PCDH15: variants seen among roughly 807,000 people sequenced by gnomAD.
PCDH15 encodes protocadherin-15.
In PCDH15, 129 loss-of-function variants were observed where a neutral mutation model predicts 178.5. The observed-to-expected ratio is 0.72, with a 90% CI of 0.63 to 0.84. PCDH15 has a LOEUF of 0.84. Ranked by LOEUF, PCDH15 falls within the 40% of genes least tolerant of loss-of-function variation. The pLI, the probability that PCDH15 is intolerant of heterozygous loss-of-function variation, is 0.00. For missense variants in PCDH15, 2,230 were observed against 2,099.9 expected (o/e 1.06, Z -1.21); for synonymous variants, 800 against 732.0 (o/e 1.09, Z -1.50).
intron 2 of PCDH15, among the ~76,000 whole-genome samples, chr10:55,520,205 G>A (rs1371113159): frequency 2.2e-5 from 1 of 45,620 alleles, no homozygotes; most frequent in Non-Finnish European, 4.0e-5. Flanking sequence ...TACACGCAAT[G>A]TGTATATATA....
intron 2 of PCDH15, among the ~76,000 whole-genome samples, chr10:55,346,684 A>G (rs1049996273): frequency 6.6e-6 from 1 of 151,260 alleles, no homozygotes; most frequent in Non-Finnish European, 1.5e-5. Context: ...GGTTATTCCT[A>G]TCTTTGGACT....
In PCDH15 at chr10:54,287,254, T is replaced by C. The variant is rs145697514; in HGVS notation, c.876+30017A>G. On this transcript the variant is annotated intron_variant, in intron 8 of 37. Transcript: ENST00000644397. ...ATAGTTTAGAAAATTGTCACCAAAG[T>C]ATGCACTTTGTATCTGAAAACAATA... is the stretch of plus-strand genomic sequence containing the variant. 4.1e-3 allele frequency among the ~76,000 whole-genome samples: 629 copies of C among 152,306 alleles called. 8 individuals carry two copies. The highest frequency in any genetic ancestry group is 0.012 in the African/African-American group (516 of 41,564).
intron 1 of PCDH15, among the ~76,000 whole-genome samples, chr10:55,170,582 T>C (rs993054484): frequency 5.3e-5 from 8 of 152,116 alleles, no homozygotes; most frequent in Admixed American, 5.2e-4. Context: ...CAGGGCACAC[T>C]GGTAGAAAGC....
chr10:54,141,506 G>A (rs2043407057), intron 14 of PCDH15, among the ~76,000 whole-genome samples: 1 of 152,062 alleles, frequency 6.6e-6, no homozygotes, highest in African/African-American at 2.4e-5. Context: ...ATTTCAGTTG[G>A]TTCAGATCCT....
intron 1 of PCDH15, among the ~76,000 whole-genome samples, chr10:54,694,335 G>T (rs1033086169): frequency 6.6e-6 from 1 of 152,070 alleles, no homozygotes; most frequent in Non-Finnish European, 1.5e-5. Context: ...CTAAAATGTC[G>T]AGAGACAATG....
intron 1 of PCDH15, among the ~76,000 whole-genome samples, chr10:55,310,693 A>G (rs560839982): frequency 3.3e-5 from 5 of 152,306 alleles, no homozygotes; most frequent in Non-Finnish European, 5.9e-5. Context: ...ATGCAGCTGT[A>G]AAAAAGAATG....
intron 3 of PCDH15, among the ~76,000 whole-genome samples, chr10:54,450,401 T>C (rs1212741009): frequency 6.6e-6 from 1 of 151,502 alleles, no homozygotes; most frequent in Non-Finnish European, 1.5e-5. Flanking sequence ...TAATTATTTA[T>C]AGTTTCTTCC....
chr10:54,524,085 A>G (rs1187207947), intron 3 of PCDH15, among the ~76,000 whole-genome samples: 1 of 152,152 alleles, frequency 6.6e-6, no homozygotes, highest in Non-Finnish European at 1.5e-5. Context: ...AAATTTCCAC[A>G]AGCAACTCAC....
chr10:55,604,215 C>A (rs1357131211), intron 2 of PCDH15, among the ~76,000 whole-genome samples: 1 of 95,886 alleles, frequency 1.0e-5, no homozygotes, highest in Non-Finnish European at 2.1e-5. Context: ...TATATATGCA[C>A]CCAATACAGG....
intron 3 of PCDH15, among the ~76,000 whole-genome samples, chr10:54,876,776 G>A (rs928266413): frequency 8.5e-5 from 13 of 152,168 alleles, no homozygotes; most frequent in Non-Finnish European, 1.6e-4. Context: ...GTAGTTTCCT[G>A]AGATGGAAAA....
chr10:54,630,359 CTT>C (rs1450945995), intron 2 of PCDH15, among the ~76,000 whole-genome samples: 1 of 152,130 alleles, frequency 6.6e-6, no homozygotes, highest in African/African-American at 2.4e-5. Context: ...AATAAGGCTG[CTT>C]ACTTACAACC....
chr10:54,214,091 G>A (rs2051737826), intron 9 of PCDH15, 43 bp from the exon 10 acceptor site: 2 of 1,019,396 alleles, frequency 2.0e-6, no homozygotes, highest in South Asian at 1.3e-5. Flanking sequence ...AGAACAATAA[G>A]TAATATGTGT....
intron 2 of PCDH15, among the ~76,000 whole-genome samples, chr10:54,569,401 G>A (rs1382769890): frequency 6.6e-6 from 1 of 152,124 alleles, no homozygotes; most frequent in East Asian, 1.9e-4. Context: ...AAGTTTTGCA[G>A]CAGAGAAGTT....
At chr10:55,014,273 A>T (rs1324878841) in intron 2 of PCDH15, among the ~76,000 whole-genome samples, 3 of 152,132 alleles carry the variant, frequency 2.0e-5, no homozygotes, top group Admixed American at 6.5e-5. Flanking sequence ...AAAGAAAAAT[A>T]AACGTGTCTA....
chr10:54,401,264 T>C (rs1027009086), intron 3 of PCDH15, among the ~76,000 whole-genome samples: 2 of 151,876 alleles, frequency 1.3e-5, no homozygotes, highest in African/African-American at 2.4e-5. Flanking sequence ...TTACAGAATA[T>C]TGATGACTTC....
chr10:54,399,621 A>T (rs1014836311), intron 3 of PCDH15, among the ~76,000 whole-genome samples: 1 of 152,094 alleles, frequency 6.6e-6, no homozygotes, highest in African/African-American at 2.4e-5. Context: ...CCAACTAGAG[A>T]TGAGTCTCAA....
intron 21 of PCDH15, among the ~76,000 whole-genome samples, chr10:53,970,610 A>C (rs1160581749): frequency 6.6e-6 from 1 of 152,180 alleles, no homozygotes; most frequent in Non-Finnish European, 1.5e-5. Context: ...AGGGGATATT[A>C]CCACTGAGCC....
Position 54,923,151 on chromosome 10 carries a change from G to A in PCDH15, c.-79-25651C>T, listed in dbSNP as rs932277620. 1.4e-4 allele frequency among the ~76,000 whole-genome samples: 20 copies of A among 138,400 alleles called. 3 individuals carry two copies. The highest frequency in any genetic ancestry group is 4.5e-4 in the African/African-American group (18 of 40,104). 90.8% of individuals were successfully genotyped at this position (138,400 alleles called of 152,430 possible). A position where few individuals can be genotyped will look rare whatever the true frequency, so the allele number is the denominator to read the frequency against. On this transcript the variant is annotated intron_variant, in intron 2 of 5. Coordinates refer to the PCDH15 transcript ENST00000458638. ...CCCAGGCTTGAGGATTGTACCCTCT[G>A]AAGCAACAGCCCAGGCTGTATTTTG... is the stretch of plus-strand genomic sequence containing the variant.
At chr10:55,059,107 A>T (rs1283017776) in intron 2 of PCDH15, among the ~76,000 whole-genome samples, 1 of 152,218 alleles carries the variant, frequency 6.6e-6, no homozygotes, top group Non-Finnish European at 1.5e-5. Flanking sequence ...GAGCACAGGA[A>T]TAAAGTCAAT....
Sources: allele counts gnomAD v4.1 joint callset (sites outside exome capture counted in the v4.1 genomes callset), GRCh38; gene constraint gnomAD v4.1.1; transcripts MANE v1.5; gene names NCBI Gene and HGNC (gene_info 2026-07-23, HGNC 2026-07-21).